The following PRDM16 variants were observed in gnomAD, a reference collection of about 807,000 sequenced individuals.
PRDM16 encodes the protein PR/SET domain 16, also known as histone-lysine N-methyltransferase PRDM16.
Under a neutral mutation model 110.6 loss-of-function variants are expected in PRDM16, and 23 were observed. The ratio of observed to expected loss-of-function variants is 0.21; its 90% CI spans 0.15 to 0.29. PRDM16 has a LOEUF of 0.29. Ranked by LOEUF, PRDM16 falls within the 10% of genes least tolerant of loss-of-function variation. PRDM16 has a pLI of 1.00. For synonymous variants in PRDM16, 799 were observed against 781.8 expected, an observed-to-expected ratio of 1.02 and a Z score of -0.37; for missense variants, 1,615 against 1,794.3, an observed-to-expected ratio of 0.90 and a Z score of 1.81.
chr1:3,317,622 CG>C (rs2100440669), intron 3 of PRDM16, among the ~76,000 whole-genome samples: 1 of 152,342 alleles, frequency 6.6e-6, no homozygotes, highest in African/African-American at 2.4e-5. Flanking sequence ...TGGCTCCGCC[CG>C]GGCCTCTGAG....
At position 3,353,355 on chromosome 1, in the gene PRDM16, T is replaced by C. The variant is rs1020524303; in HGVS notation, c.439-31797T>C. Among the ~76,000 whole-genome samples, 18 of 152,282 alleles carry C rather than the reference T, an allele frequency of 1.2e-4. No individual in the cohort carries two copies. The highest frequency in any genetic ancestry group is 5.8e-4 in the East Asian group (3 of 5,164). ...CCTGGGGGCTATGGCAGGGCCCTCA[T>C]TGGGTGAGGGAGGCCCGGGGTATTT... On this transcript the variant is annotated intron_variant, in intron 3 of 16. Transcript: ENST00000270722. The surrounding 1 kb of genome is among the most constrained non-coding windows in gnomAD (Gnocchi z 5.4).
At chr1:3,286,808 G>A (rs570191341) in intron 3 of PRDM16, among the ~76,000 whole-genome samples, 3 of 152,272 alleles carry the variant, frequency 2.0e-5, no homozygotes, top group South Asian at 2.1e-4. Flanking sequence ...TGGAGGGGCC[G>A]CCCAGCTCAG....
Position 3,425,439 on chromosome 1 carries a change from C to A in PRDM16, c.2940-142C>A. 1 of 868,164 alleles carries A rather than the reference C, an allele frequency of 1.2e-6. No individual in the cohort carries two copies. The highest frequency in any genetic ancestry group is 1.7e-6 in the Non-Finnish European group (1 of 578,542). The allele number at this position is 868,164 out of a possible 1,614,324, so 53.8% of individuals were successfully genotyped here. On this transcript the variant is annotated intron_variant, in intron 12 of 16. Transcript: ENST00000270722. This position sits in a 1 kb window ranked among gnomAD's most constrained non-coding sequence, Gnocchi z 6.9. Reference sequence around the variant, plus strand: ...CCTTTGGCTCTGCAGCTGGGAGATCCAGCAACCTCCGGGACACGGCGGGGC... The same window carrying A: ...CCTTTGGCTCTGCAGCTGGGAGATCAAGCAACCTCCGGGACACGGCGGGGC...
intron 1 of PRDM16, among the ~76,000 whole-genome samples, chr1:3,078,411 G>T (rs779547173): frequency 1.3e-5 from 2 of 152,200 alleles, no homozygotes; most frequent in Non-Finnish European, 2.9e-5. Context: ...CTGGACCATG[G>T]TGTCTAAGAT....
At chr1:3,305,573 C>T (rs1270443688) in intron 3 of PRDM16, among the ~76,000 whole-genome samples, 2 of 152,194 alleles carry the variant, frequency 1.3e-5, no homozygotes, top group Non-Finnish European at 2.9e-5. Context: ...ACTTGTTATT[C>T]GAATGGAAGT....
chr1:3,071,301 G>A (rs1230465613), intron 1 of PRDM16, among the ~76,000 whole-genome samples: 2 of 152,268 alleles, frequency 1.3e-5, no homozygotes, highest in Admixed American at 6.5e-5. Context: ...CCGGGACCGG[G>A]TCCGCTCAGG....
chr1:3,342,940 A>G (rs1642300108), intron 3 of PRDM16, among the ~76,000 whole-genome samples: 1 of 152,120 alleles, frequency 6.6e-6, no homozygotes. Context: ...ATTACAGATA[A>G]AGTTTCTACA....
At chr1:3,336,011 G>T (rs898247399) in intron 3 of PRDM16, among the ~76,000 whole-genome samples, 1 of 152,188 alleles carries the variant, frequency 6.6e-6, no homozygotes, top group Non-Finnish European at 1.5e-5. Context: ...CCACAGAGGA[G>T]GCTGTGACGT....
intron 3 of PRDM16, among the ~76,000 whole-genome samples, chr1:3,291,518 C>T (rs1464255403): frequency 6.6e-6 from 1 of 152,110 alleles, no homozygotes; most frequent in Non-Finnish European, 1.5e-5. Flanking sequence ...ATGGAAGGGC[C>T]AGCTCCAGGG....
intron 1 of PRDM16, among the ~76,000 whole-genome samples, chr1:3,154,194 G>A (rs1643823494): frequency 6.6e-6 from 1 of 152,114 alleles, no homozygotes; most frequent in South Asian, 2.1e-4. Flanking sequence ...GTGACAAGTC[G>A]TTAGGATCTG....
intron 3 of PRDM16, among the ~76,000 whole-genome samples, chr1:3,333,201 G>A (rs1255245987): frequency 6.6e-6 from 1 of 152,190 alleles, no homozygotes; most frequent in African/African-American, 2.4e-5. Context: ...CTGGAGAGGT[G>A]GGTGCCTGTC....
chr1:3,322,227 G>A (rs1249650916), intron 3 of PRDM16, among the ~76,000 whole-genome samples: 2 of 151,816 alleles, frequency 1.3e-5, no homozygotes, highest in Admixed American at 6.6e-5. Context: ...GCATGTGCAC[G>A]TGTGTGTGTG....
chr1:3,394,323 C>T (rs1237258516), intron 4 of PRDM16, among the ~76,000 whole-genome samples: 2 of 146,430 alleles, frequency 1.4e-5, no homozygotes, highest in African/African-American at 5.1e-5. Context: ...CGGAGGCGCT[C>T]GGAGGCTCTC....
chr1:3,239,357 C>G (rs1339435894), intron 2 of PRDM16, among the ~76,000 whole-genome samples: 1 of 152,142 alleles, frequency 6.6e-6, no homozygotes, highest in East Asian at 1.9e-4. Flanking sequence ...TGCTGACCAC[C>G]AAGACCTTTG....
At chr1:3,335,302 C>A (rs747433861) in intron 3 of PRDM16, among the ~76,000 whole-genome samples, 3 of 152,164 alleles carry the variant, frequency 2.0e-5, no homozygotes, top group Non-Finnish European at 4.4e-5. Flanking sequence ...TCACAGCCTT[C>A]CGCTTGGGAA....
At chr1:3,324,826 G>A (rs1015254058) in intron 3 of PRDM16, among the ~76,000 whole-genome samples, 13 of 151,806 alleles carry the variant, frequency 8.6e-5, no homozygotes, top group African/African-American at 2.2e-4. Context: ...GGGACTCGGC[G>A]GGTCGTGGGC....
chr1:3,114,192 C>CGT (rs1642870137), intron 1 of PRDM16, among the ~76,000 whole-genome samples: 2 of 54,260 alleles, frequency 3.7e-5, no homozygotes, highest in Admixed American at 2.0e-4. Context: ...CACGCACACA[C>CGT]GCACACGCAC....
At position 3,213,057 on chromosome 1, in the gene PRDM16, C is replaced by T. The variant is rs1365211602; in HGVS notation, c.387+26583C>T. On this transcript the variant is annotated intron_variant, in intron 2 of 16. Transcript: ENST00000270722. The surrounding 1 kb of genome is among the most constrained non-coding windows in gnomAD (Gnocchi z 5.3). Reference sequence around the variant, plus strand: ...AGAAAGGAAAGCGGGGTCGGCTCGCCCGCCTGCCGCACGCTTCCCCGGGAG... The same window carrying T: ...AGAAAGGAAAGCGGGGTCGGCTCGCTCGCCTGCCGCACGCTTCCCCGGGAG... Among the ~76,000 whole-genome samples the T allele has an allele frequency of 2.0e-5, 3 of 152,224 alleles. No homozygotes were observed. The highest frequency in any genetic ancestry group is 4.4e-5 in the Non-Finnish European group (3 of 68,032).
chr1:3,329,544 T>C (rs1641999720), intron 3 of PRDM16, among the ~76,000 whole-genome samples: 1 of 152,188 alleles, frequency 6.6e-6, no homozygotes, highest in Non-Finnish European at 1.5e-5. Context: ...GCACACTCTC[T>C]AGAGGCGTCC....
Sources: gnomAD v4.1 joint callset for allele counts (sites outside exome capture counted in the v4.1 genomes callset) on GRCh38, gnomAD v4.1.1 for gene constraint, Gnocchi (gnomAD v3.1) non-coding constraint, MANE v1.5 for transcripts, NCBI Gene and HGNC (gene_info 2026-07-23, HGNC 2026-07-21) for gene names.